Variants in POLR3A observed in about 807,000 individuals in gnomAD.
POLR3A encodes the protein DNA-directed RNA polymerase III subunit RPC1.
POLR3A carries 112 observed loss-of-function variants against 152.8 expected under a neutral mutation model. The ratio of observed to expected loss-of-function variants is 0.73; its 90% confidence interval spans 0.63 to 0.86. The LOEUF is 0.86. Ranked by LOEUF, POLR3A falls within the 40% of genes least tolerant of loss-of-function variation. The pLI, the probability that POLR3A is intolerant of heterozygous loss-of-function variation, is 0.00. For missense variants in POLR3A, 1,385 were observed against 1,743.1 expected (o/e 0.79, Z 3.66); for synonymous variants, 615 against 652.1 (o/e 0.94, Z 0.87).
intron 14 of POLR3A, 42 bp from the exon 15 acceptor site, chr10:78,007,908 C>T (rs1337993963): frequency 1.3e-6 from 2 of 1,494,068 alleles, no homozygotes; most frequent in South Asian, 2.2e-5. Flanking sequence ...TTATTTATTA[C>T]TTTGCCTTAT....
At chr10:78,022,472 C>G in intron 5 of POLR3A, 88 bp from the exon 6 acceptor site, 1 of 1,311,828 alleles carries the variant, frequency 7.6e-7, no homozygotes, top group Non-Finnish European at 1.1e-6. Context: ...GTTTTCTAAC[C>G]TATCTGTCAC....
intron 26 of POLR3A, 34 bp downstream of exon 26, chr10:77,983,886 T>C: frequency 7.4e-7 from 1 of 1,346,766 alleles, no homozygotes; most frequent in Non-Finnish European, 1.1e-6. Flanking sequence ...ACTAACAGGA[T>C]GACTTCCTCT....
Position 77,984,282 on chromosome 10 carries a change from C to T in POLR3A, c.3259G>A (p.Ala1087Thr). The change falls in exon 25 of 31, where the codon GCA (alanine) becomes ACA (threonine). Residue 1087 changes from alanine to threonine, a missense_variant. By Grantham distance (58) the Ala-to-Thr change is moderately conservative. Coordinates refer to ENST00000372371, the MANE Select transcript of POLR3A (RefSeq NM_007055.4). ...SKAISTPIIT[A>T]QLDKDDDADY... The stretch of plus-strand genomic sequence containing the variant: ...GCGTCGTCATCCTTGTCTAGCTGTG[C>T]TGTGATAATTGGAGTGCTGTTGAGA... 1 of 1,611,696 alleles carries T rather than the reference C, an allele frequency of 6.2e-7. No individual in the cohort carries two copies. Among genetic ancestry groups the T allele is most frequent in the Non-Finnish European group, 8.5e-7 (1 of 1,177,950 alleles).
At chr10:77,984,833 A>G (rs1169141476) in intron 24 of POLR3A, among the ~76,000 whole-genome samples, 5 of 152,244 alleles carry the variant, frequency 3.3e-5, no homozygotes, top group African/African-American at 1.2e-4. Context: ...CAGACATTTC[A>G]GTCAGGCCTA....
intron 5 of POLR3A, 148 bp downstream of exon 5, chr10:78,024,401 A>G: frequency 1.6e-6 from 1 of 627,484 alleles, no homozygotes. Flanking sequence ...GAATTATCGG[A>G]GAGCTGTCGA....
rs149755038 is a variant in POLR3A, at chr10:77,981,391, G to C, written c.3891+37C>G. The stretch of plus-strand genomic sequence containing the variant: ...TTATTCTCCTGAAAGTGAGTTTCGG[G>C]ATGCCCAGGCAGCCCGGGGGCCTCC... On this transcript the variant is annotated intron_variant, in intron 29 of 30. Coordinates refer to ENST00000372371, the MANE Select transcript of POLR3A (RefSeq NM_007055.4). 7.2e-5 allele frequency: 116 copies of C among 1,608,984 alleles called. No homozygotes were observed. The African/African-American group carries it at 1.2e-3, about 17-fold the overall frequency.
At chr10:77,997,463 T>C (rs1170969106) in intron 19 of POLR3A, among the ~76,000 whole-genome samples, 1 of 152,184 alleles carries the variant, frequency 6.6e-6, no homozygotes. Context: ...CAGCAAAGTC[T>C]CAGGATACAA....
At chr10:78,012,763 C>T (rs763976020) in intron 11 of POLR3A, among the ~76,000 whole-genome samples, 1 of 151,944 alleles carries the variant, frequency 6.6e-6, no homozygotes, top group Non-Finnish European at 1.5e-5. Context: ...GCTCTGTTGC[C>T]CAGGCTGAAC....
intron 20 of POLR3A, among the ~76,000 whole-genome samples, 166 bp downstream of exon 20, chr10:77,993,031 C>G (rs187979440): frequency 3.9e-5 from 6 of 152,016 alleles, no homozygotes; most frequent in Admixed American, 3.3e-4. Flanking sequence ...CTTTTAATAT[C>G]GGAAAATTAT....
intron 27 of POLR3A, 90 bp downstream of exon 27, chr10:77,982,563 G>C: frequency 8.5e-7 from 1 of 1,181,028 alleles, no homozygotes; most frequent in African/African-American, 1.5e-5. Context: ...TTAAGAAATC[G>C]GACTAAGTGA....
intron 16 of POLR3A, among the ~76,000 whole-genome samples, chr10:78,002,763 C>T (rs1002816913): frequency 1.3e-5 from 2 of 152,122 alleles, no homozygotes; most frequent in Admixed American, 6.6e-5. Context: ...GACTTGAACT[C>T]CTGGCCTCAA....
At chr10:78,014,153 T>C (rs1847494436) in intron 10 of POLR3A, among the ~76,000 whole-genome samples, 1 of 148,530 alleles carries the variant, frequency 6.7e-6, no homozygotes, top group Admixed American at 6.7e-5. Flanking sequence ...CGAGACTCCA[T>C]CTCAAAAAAA....
In POLR3A at chr10:78,001,006, C is replaced by A; in HGVS notation, c.2448G>T (p.Arg816Ser). 3 of 1,605,228 alleles carry A rather than the reference C, an allele frequency of 1.9e-6. No homozygotes were observed. Among genetic ancestry groups the A allele is most frequent in the Non-Finnish European group, 2.6e-6 (3 of 1,172,836 alleles). Residue 816 changes from arginine (R) to serine (S), a missense_variant, in exon 18 of 31, where the codon AGG (arginine) becomes AGT (serine). Arg to Ser is a moderately radical substitution (Grantham distance 110). Around this residue, in one of 7 missense-constraint regions of POLR3A, gnomAD observed 170 missense variants for 231.2 expected, o/e 0.74. Transcript: ENST00000372371. ...GSRVPDGFEN[R>S]SLPHFEKHSK... ...AGTGTTTTTCAAAATGAGGCAAGGA[C>A]CTGTTTTCAAAGCCGTCTGGCACTC...
At chr10:77,982,378 C>T in intron 27 of POLR3A, 60 bp from the exon 28 acceptor site, 3 of 1,476,692 alleles carry the variant, frequency 2.0e-6, no homozygotes, top group South Asian at 1.1e-5. Flanking sequence ...GGGCTGATCA[C>T]CTTGATCACC....
In POLR3A at chr10:78,022,260, A is replaced by G. The variant is rs747808240; in HGVS notation, c.770T>C (p.Val257Ala). The G allele has an allele frequency of 6.2e-7, 1 of 1,614,234 alleles. No individual in the cohort carries two copies. Among genetic ancestry groups the G allele is most frequent in the Admixed American group, 1.7e-5 (1 of 60,020 alleles). ...PSDLILTRLL[V>A]PPLCIRPSVV... ...GGAGGGTCTGATACACAAAGGAGGC[A>G]CCAAAAGTCGTGTGAGAATCAAATC... is the stretch of plus-strand genomic sequence containing the variant. The change falls in exon 6 of 31, where the codon GTG (valine) becomes GCG (alanine). Residue 257 changes from valine (V) to alanine (A), a missense_variant. This residue lies in a region of POLR3A where 493 missense variants were observed against 647.5 expected (regional missense o/e 0.76). Transcript: ENST00000372371.
intron 20 of POLR3A, among the ~76,000 whole-genome samples, chr10:77,992,927 G>A (rs12263985): frequency 6.6e-6 from 1 of 151,494 alleles, no homozygotes; most frequent in Non-Finnish European, 1.5e-5. Flanking sequence ...TGCTGCCCAG[G>A]CTAGTCTTAA....
At position 78,007,697 on chromosome 10, in the gene POLR3A, C is replaced by T. The variant is rs748631026; in HGVS notation, c.2074+5G>A. 6.2e-7 allele frequency: 1 copy of T among 1,612,788 alleles called. No individual in the cohort carries two copies. The highest frequency in any genetic ancestry group is 1.7e-5 in the Admixed American group (1 of 59,996). ...TAACTAAAAGAAGGATGCTGAGATA[C>T]TTACACAGGTAGACAGGAGCCAGCC... On this transcript the variant is annotated splice_donor_5th_base_variant and intron_variant, in intron 15 of 30. Transcript: ENST00000372371.
At chr10:78,001,790 C>G (rs1847359752) in intron 17 of POLR3A, among the ~76,000 whole-genome samples, 1 of 152,094 alleles carries the variant, frequency 6.6e-6, no homozygotes, top group African/African-American at 2.4e-5. Flanking sequence ...CACAAGCCAC[C>G]ACGCCCAGCT....
chr10:77,989,695 T>C (rs1171541502), intron 21 of POLR3A, among the ~76,000 whole-genome samples: 3 of 152,044 alleles, frequency 2.0e-5, no homozygotes, highest in Non-Finnish European at 4.4e-5. Flanking sequence ...GCTGCTGGAG[T>C]GGGCCCTTTC....
Sources: gnomAD v4.1 joint callset for allele counts (sites outside exome capture counted in the v4.1 genomes callset) on GRCh38, gnomAD v4.1.1 for gene constraint, gnomAD v4.1.1 regional missense constraint, MANE v1.5 for transcripts, NCBI Gene and HGNC (gene_info 2026-07-23, HGNC 2026-07-21) for gene names.